Variants in FGD4 observed in about 807,000 individuals in gnomAD.
The protein encoded by FGD4 is FYVE, RhoGEF and PH domain containing 4.
FGD4 carries 42 observed loss-of-function variants against 102.0 expected under a neutral mutation model. That is an observed-to-expected ratio of 0.41 (90% CI 0.32 to 0.53). FGD4 has a LOEUF of 0.53. FGD4 is among the 20% of genes least tolerant of loss of function. The probability of loss-of-function intolerance (pLI) is 0.21; values close to 1 mark genes in which losing one functional copy is unlikely to be tolerated. For synonymous variants in FGD4, 380 were observed against 375.7 expected (o/e 1.01, Z -0.13); for missense variants, 902 against 1,078.2 (o/e 0.84, Z 2.29).
rs1042929355 is a variant in FGD4 at position 32,640,567 on chromosome 12, C to G, written c.*34C>G. The G allele has an allele frequency of 6.2e-7, 1 of 1,612,576 alleles. No homozygotes were observed. The stretch of plus-strand genomic sequence containing the variant: ...AGGACCAGCCATGGTGTGGAGGTCT[C>G]AGGACTTACAGCTCAAGACATTCCC... On this transcript the variant is annotated 3_prime_UTR_variant, in exon 17 of 17. Coordinates refer to ENST00000534526, the MANE Select transcript of FGD4 (RefSeq NM_001370298.3).
intron 11 of FGD4, among the ~76,000 whole-genome samples, chr12:32,622,868 C>T (rs1465513541): frequency 6.6e-6 from 1 of 152,244 alleles, no homozygotes; most frequent in Non-Finnish European, 1.5e-5. Flanking sequence ...GCTGGGATTA[C>T]AGGCCTAAGC....
intron 1 of FGD4, among the ~76,000 whole-genome samples, chr12:32,500,711 C>T (rs1295245769): frequency 6.6e-6 from 1 of 152,158 alleles, no homozygotes; most frequent in Non-Finnish European, 1.5e-5. Context: ...GGATTACAGG[C>T]GTGACCCACT....
chr12:32,611,122 G>A lies in FGD4; in HGVS notation c.1603-15G>A. On this transcript the variant is annotated splice_polypyrimidine_tract_variant and intron_variant, in intron 9 of 16. Coordinates refer to ENST00000534526, the MANE Select transcript of FGD4 (RefSeq NM_001370298.3). Reference sequence around the variant, plus strand: ...AAACCTGCCTGTATGTGATCTTGCTGTTTTAATTTCCTAGGAGAACCTAAA... The same window carrying A: ...AAACCTGCCTGTATGTGATCTTGCTATTTTAATTTCCTAGGAGAACCTAAA... 1 of 1,613,970 alleles carries A rather than the reference G, an allele frequency of 6.2e-7. No homozygotes were observed. Among genetic ancestry groups the A allele is most frequent in the Non-Finnish European group, 8.5e-7 (1 of 1,179,976 alleles).
chr12:32,464,697 T>C (rs1465017501), intron 1 of FGD4, among the ~76,000 whole-genome samples: 1 of 152,236 alleles, frequency 6.6e-6, no homozygotes, highest in Non-Finnish European at 1.5e-5. Flanking sequence ...TGCTATTAAT[T>C]ACTCCAATTT....
At chr12:32,501,168 C>T (rs1455926755) in intron 1 of FGD4, among the ~76,000 whole-genome samples, 1 of 152,262 alleles carries the variant, frequency 6.6e-6, no homozygotes, top group Non-Finnish European at 1.5e-5. Flanking sequence ...CCTCCCACTT[C>T]AGCCTTCTGT....
intron 1 of FGD4, chr12:32,511,820 T>C (rs768835853): frequency 6.6e-6 from 1 of 152,184 alleles, no homozygotes; most frequent in Non-Finnish European, 1.5e-5. Context: ...ATATTTTTTC[T>C]GTTCATTAGA....
chr12:32,478,078 A>T (rs2136537230), intron 1 of FGD4, among the ~76,000 whole-genome samples: 1 of 152,356 alleles, frequency 6.6e-6, no homozygotes, highest in Admixed American at 6.5e-5. Context: ...GACAACAGTG[A>T]TTCAACAGAG....
At chr12:32,636,856 T>G (rs919504395) in intron 15 of FGD4, among the ~76,000 whole-genome samples, 4 of 151,396 alleles carry the variant, frequency 2.6e-5, no homozygotes, top group Admixed American at 2.0e-4. Context: ...TTTGTTCCTT[T>G]TTTCAGTATT....
intron 11 of FGD4, among the ~76,000 whole-genome samples, chr12:32,620,126 G>A (rs560203062): frequency 1.2e-4 from 19 of 152,246 alleles, no homozygotes; most frequent in African/African-American, 4.3e-4. Context: ...CAGAAATACA[G>A]GGTACTCAGA....
chr12:32,607,848 A>C, intron 7 of FGD4, 109 bp from the exon 8 acceptor site: 1 of 1,196,832 alleles, frequency 8.4e-7, no homozygotes, highest in Non-Finnish European at 1.2e-6. Context: ...ATGGACAGTC[A>C]CACTTTGTCG....
At position 32,417,351 on chromosome 12, in the gene FGD4, A is replaced by AT. The variant is rs1009485263; in HGVS notation, c.166+17402dup. Among the ~76,000 whole-genome samples the AT allele has an allele frequency of 4.7e-5, 7 of 150,360 alleles. No individual in the cohort carries two copies. In the East Asian group the frequency reaches 9.8e-4, roughly 21 times the overall value. ...TGCTGGATACACTATTCTAGGGTAA[A>AT]TTTTTTTTTTCTTCCGCATTTTAAA... On this transcript the variant is annotated intron_variant, in intron 1 of 16. Transcript: ENST00000534526.
intron 2 of FGD4, among the ~76,000 whole-genome samples, chr12:32,573,250 C>A (rs2136347603): frequency 6.6e-6 from 1 of 152,300 alleles, no homozygotes; most frequent in African/African-American, 2.4e-5. Context: ...CGCCCGCCAC[C>A]AAACCCGGCT....
At position 32,552,434 on chromosome 12, in the gene FGD4, A is replaced by ATTTTTTTT. The variant is rs66646521; in HGVS notation, c.167-11685_167-11678dup. 5.1e-4 allele frequency among the ~76,000 whole-genome samples: 62 copies of ATTTTTTTT among 120,984 alleles called. 1 individual carries two copies. Among genetic ancestry groups the ATTTTTTTT allele is most frequent in the East Asian group, 1.1e-3 (4 of 3,634 alleles). 79.4% of individuals were successfully genotyped at this position (120,984 alleles called of 152,430 possible). Reference sequence around the variant, plus strand: ...GCCGCCATGCCCGACTAATTTTTGCATTTTTTTTTTTTTTTTTTTTTTTTT... The same window carrying ATTTTTTTT: ...GCCGCCATGCCCGACTAATTTTTGCATTTTTTTTTTTTTTTTTTTTTTTTTTTTTTTTT... On this transcript the variant is annotated intron_variant, in intron 1 of 16. Transcript: ENST00000534526.
Position 32,622,365 on chromosome 12 carries a change from G to A in FGD4, c.1923-2057G>A, listed in dbSNP as rs184221730. ...CTTTCAGTCCTCCTTTAGCCAGTTGGGCTATTTTCTCATCAAGATGGGGCT... is the reference window on the plus strand; with the variant it reads ...CTTTCAGTCCTCCTTTAGCCAGTTGAGCTATTTTCTCATCAAGATGGGGCT... On this transcript the variant is annotated intron_variant, in intron 11 of 16. Transcript: ENST00000534526. Among the ~76,000 whole-genome samples the A allele has an allele frequency of 5.9e-5, 9 of 152,152 alleles. No individual in the cohort carries two copies. The East Asian group carries it at 9.7e-4, about 16-fold the overall frequency.
At chr12:32,602,025 G>T (rs1948461284) in intron 6 of FGD4, 136 bp from the exon 7 acceptor site, 4 of 737,608 alleles carry the variant, frequency 5.4e-6, no homozygotes, top group Non-Finnish European at 9.2e-6. Context: ...TGAAGCTGGA[G>T]GATTGATTGA....
In FGD4 at chr12:32,452,799, G is replaced by C. The variant is rs1157550120; in HGVS notation, c.166+52840G>C. Among the ~76,000 whole-genome samples, 3 of 152,130 alleles carry C rather than the reference G, an allele frequency of 2.0e-5. No individual in the cohort carries two copies. The East Asian group carries it at 5.8e-4, about 29-fold the overall frequency. ...AGCCCAGGAGTTCAAGACCAGCCTG[G>C]GCAACATACAGATACTCTGTCTCTT... On this transcript the variant is annotated intron_variant, in intron 1 of 16. Transcript: ENST00000534526.
intron 1 of FGD4, among the ~76,000 whole-genome samples, chr12:32,471,556 A>G (rs745415064): frequency 1.6e-4 from 24 of 152,316 alleles, no homozygotes; most frequent in East Asian, 5.8e-4. Context: ...CCCAAAGGGG[A>G]TATCTGTTTT....
At chr12:32,542,474 C>A (rs554262789) in intron 1 of FGD4, among the ~76,000 whole-genome samples, 21 of 152,324 alleles carry the variant, frequency 1.4e-4, no homozygotes, top group Middle Eastern at 3.4e-3. Context: ...TTGGTTTTAG[C>A]AGCCTCCTTG....
intron 4 of FGD4, among the ~76,000 whole-genome samples, chr12:32,587,968 T>C (rs1947180682): frequency 6.6e-6 from 1 of 152,144 alleles, no homozygotes; most frequent in Admixed American, 6.5e-5. Flanking sequence ...AAGCAGAATG[T>C]GTAGGAACAG....
Sources: allele counts gnomAD v4.1 joint callset (sites outside exome capture counted in the v4.1 genomes callset), GRCh38; gene constraint gnomAD v4.1.1; transcripts MANE v1.5; gene names NCBI Gene and HGNC (gene_info 2026-07-23, HGNC 2026-07-21).